KIAA1958: variants seen among roughly 807,000 people sequenced by gnomAD.
KIAA1958 encodes KIAA1958.
Under a neutral mutation model 47.2 loss-of-function variants are expected in KIAA1958, and 14 were observed. That is an observed-to-expected ratio of 0.30 (90% CI 0.20 to 0.46). The LOEUF is 0.46. Ranked by LOEUF, KIAA1958 falls within the 20% of genes least tolerant of loss-of-function variation. The pLI is 1.00. For synonymous variants in KIAA1958, 354 were observed against 353.3 expected, an observed-to-expected ratio of 1.00 and a Z score of -0.02; for missense variants, 803 against 909.2, an observed-to-expected ratio of 0.88 and a Z score of 1.50.
chr9:112,492,367 A>G (rs534831587), intron 1 of KIAA1958, among the ~76,000 whole-genome samples: 1 of 152,316 alleles, frequency 6.6e-6, no homozygotes, highest in Non-Finnish European at 1.5e-5. Flanking sequence ...GGATTAGGGC[A>G]CACACATATG....
At chr9:112,585,106 T>C (rs1195285303) in intron 2 of KIAA1958, among the ~76,000 whole-genome samples, 1 of 152,246 alleles carries the variant, frequency 6.6e-6, no homozygotes, top group Non-Finnish European at 1.5e-5. Context: ...GTCTTTTTTC[T>C]ATTAAGTATC....
intron 1 of KIAA1958, among the ~76,000 whole-genome samples, chr9:112,511,218 A>G (rs1161551985): frequency 6.6e-6 from 1 of 152,224 alleles, no homozygotes; most frequent in African/African-American, 2.4e-5. Context: ...CACCAGTATC[A>G]TCTGAGAATG....
intron 1 of KIAA1958, among the ~76,000 whole-genome samples, chr9:112,505,018 G>A (rs1429542446): frequency 1.3e-5 from 2 of 151,962 alleles, no homozygotes; most frequent in African/African-American, 2.4e-5. Context: ...CCTTTAAATC[G>A]GTTATCTTCA....
intron 2 of KIAA1958, among the ~76,000 whole-genome samples, chr9:112,610,705 C>T (rs753405532): frequency 6.6e-6 from 1 of 152,136 alleles, no homozygotes; most frequent in Non-Finnish European, 1.5e-5. Context: ...TGGTTCCACA[C>T]GTGAATTCTA....
chr9:112,511,762 A>T (rs1300210296), intron 1 of KIAA1958, among the ~76,000 whole-genome samples: 2 of 152,240 alleles, frequency 1.3e-5, no homozygotes, highest in African/African-American at 2.4e-5. Context: ...AAAAAATTTT[A>T]AAAATAGAAA....
intron 1 of KIAA1958, among the ~76,000 whole-genome samples, chr9:112,504,468 C>T (rs1341848919): frequency 6.6e-6 from 1 of 152,156 alleles, no homozygotes; most frequent in Non-Finnish European, 1.5e-5. Flanking sequence ...GAATTGCAGG[C>T]GTGAGCCACC....
chr9:112,502,650 C>A (rs111435968), intron 1 of KIAA1958, among the ~76,000 whole-genome samples: 1,600 of 152,296 alleles, frequency 0.011, 17 homozygotes, highest in African/African-American at 0.036. Flanking sequence ...GATAGAGATA[C>A]ATGCACAAAA....
At chr9:112,571,875 C>T (rs1270629624) in intron 1 of KIAA1958, among the ~76,000 whole-genome samples, 1 of 144,350 alleles carries the variant, frequency 6.9e-6, no homozygotes, top group Non-Finnish European at 1.5e-5. Flanking sequence ...TCAGAACAAA[C>T]ACACAAACCA....
Position 112,618,414 on chromosome 9 carries a change from T to G in KIAA1958, c.1172-27236T>G. On this transcript the variant is annotated intron_variant, in intron 2 of 3. Transcript: ENST00000337530. The surrounding 1 kb of genome is among the most constrained non-coding windows in gnomAD (Gnocchi z 7.1). Reference sequence around the variant, plus strand: ...ACCTTAAAATGGGGTGATATCCGGCTCCGGGTAACAGAGACGGGTCTCGAG... The same window carrying G: ...ACCTTAAAATGGGGTGATATCCGGCGCCGGGTAACAGAGACGGGTCTCGAG... The G allele has an allele frequency of 6.4e-7, 1 of 1,551,100 alleles. No homozygotes were observed. Among genetic ancestry groups the G allele is most frequent in the Non-Finnish European group, 8.7e-7 (1 of 1,147,100 alleles).
Position 112,574,717 on chromosome 9 carries a change from A to T in KIAA1958, c.637A>T (p.Ile213Phe). Reference sequence around the variant, plus strand: ...ACAAGAAATCCCCGAAGATTATTACATTGTGGCAAATGCAGAACTGACAGG... The same window carrying T: ...ACAAGAAATCCCCGAAGATTATTACTTTGTGGCAAATGCAGAACTGACAGG... Reference protein sequence around the residue: ...IKQEIPEDYYIVANAELTGGV... With the variant: ...IKQEIPEDYYFVANAELTGGV... Residue 213 changes from isoleucine (I) to phenylalanine (F), a missense_variant, in exon 2 of 4, where the codon ATT becomes TTT. Physicochemically the swap from Ile to Phe is conservative, Grantham distance 21. Coordinates refer to ENST00000337530, the MANE Select transcript of KIAA1958 (RefSeq NM_133465.4). The T allele has an allele frequency of 6.2e-7, 1 of 1,614,194 alleles. No individual in the cohort carries two copies. The highest frequency in any genetic ancestry group is 8.5e-7 in the Non-Finnish European group (1 of 1,180,036).
At chr9:112,490,939 A>G (rs1833958208) in intron 1 of KIAA1958, among the ~76,000 whole-genome samples, 1 of 152,210 alleles carries the variant, frequency 6.6e-6, no homozygotes, top group South Asian at 2.1e-4. Context: ...TTATGTATCA[A>G]AAGAAATTAT....
intron 1 of KIAA1958, among the ~76,000 whole-genome samples, chr9:112,515,297 C>G (rs1834402972): frequency 7.5e-6 from 1 of 132,682 alleles, no homozygotes; most frequent in African/African-American, 2.7e-5. Context: ...GCCGCCCCGT[C>G]CGGGAGGTGA....
At chr9:112,509,491 G>C (rs1471219934) in intron 1 of KIAA1958, among the ~76,000 whole-genome samples, 2 of 152,204 alleles carry the variant, frequency 1.3e-5, no homozygotes, top group Admixed American at 1.3e-4. Context: ...GGGAAACACT[G>C]AAGGTGTCCA....
At chr9:112,652,026 C>T (rs996702167) in intron 3 of KIAA1958, among the ~76,000 whole-genome samples, 1 of 152,156 alleles carries the variant, frequency 6.6e-6, no homozygotes, top group African/African-American at 2.4e-5. Context: ...AACACCATGC[C>T]TGGCTAATTT....
intron 1 of KIAA1958, among the ~76,000 whole-genome samples, chr9:112,554,147 G>A (rs955433741): frequency 1.3e-5 from 2 of 152,128 alleles, no homozygotes; most frequent in Non-Finnish European, 2.9e-5. Flanking sequence ...AAATGACATA[G>A]AGGTATGTAA....
chr9:112,613,944 C>T (rs1406149045), intron 2 of KIAA1958, among the ~76,000 whole-genome samples: 2 of 152,128 alleles, frequency 1.3e-5, no homozygotes, highest in Non-Finnish European at 2.9e-5. Context: ...ACATGACCAC[C>T]AAAAGGCACC....
intron 2 of KIAA1958, among the ~76,000 whole-genome samples, chr9:112,631,508 G>C (rs1315995384): frequency 6.8e-6 from 1 of 146,910 alleles, no homozygotes; most frequent in Non-Finnish European, 1.5e-5. Flanking sequence ...TCCAGCCTGG[G>C]GAATAGAGCA....
At chr9:112,646,455 T>C (rs1329087207) in intron 3 of KIAA1958, among the ~76,000 whole-genome samples, 1 of 152,204 alleles carries the variant, frequency 6.6e-6, no homozygotes, top group African/African-American at 2.4e-5. Context: ...ACTGAAGTTG[T>C]TTGAGAGAGA....
At chr9:112,488,748 G>A (rs1487961392) in intron 1 of KIAA1958, among the ~76,000 whole-genome samples, 1 of 152,170 alleles carries the variant, frequency 6.6e-6, no homozygotes, top group Non-Finnish European at 1.5e-5. Flanking sequence ...TTGAAAATTA[G>A]TAAACAGTGT....
Sources: gnomAD v4.1 joint callset for allele counts (sites outside exome capture counted in the v4.1 genomes callset) on GRCh38, gnomAD v4.1.1 for gene constraint, Gnocchi (gnomAD v3.1) non-coding constraint, MANE v1.5 for transcripts, NCBI Gene and HGNC (gene_info 2026-07-23, HGNC 2026-07-21) for gene names.